Variants in PPP2R5D observed in about 807,000 individuals in gnomAD.
PPP2R5D encodes the protein serine/threonine-protein phosphatase 2A 56 kDa regulatory subunit delta isoform.
A neutral mutation model predicts 79.1 loss-of-function variants in PPP2R5D; 12 were observed. The observed-to-expected ratio is 0.15, with a 90% CI of 0.10 to 0.25. The LOEUF (loss-of-function observed/expected upper bound fraction) is 0.25. Ranked by LOEUF, PPP2R5D falls within the 10% of genes least tolerant of loss-of-function variation. The probability of loss-of-function intolerance (pLI) is 1.00; values close to 1 mark genes in which losing one functional copy is unlikely to be tolerated. For missense variants in PPP2R5D, 419 were observed against 760.2 expected (o/e 0.55, Z 5.28); for synonymous variants, 277 against 286.6 (o/e 0.97, Z 0.34).
In PPP2R5D at chr6:43,009,574, G is replaced by A; in HGVS notation, c.1379+125G>A. On this transcript the variant is annotated intron_variant, in intron 12 of 15. Transcript: ENST00000485511. The surrounding 1 kb of genome is among the most constrained non-coding windows in gnomAD (Gnocchi z 5.6). The stretch of plus-strand genomic sequence containing the variant: ...CAAGTGGGGCTGATGTCCCCTGCAT[G>A]TTGATAGGACCTTGAGGGGCTGACT... 1 of 1,354,234 alleles carries A rather than the reference G, an allele frequency of 7.4e-7. No homozygotes were observed. Among genetic ancestry groups the A allele is most frequent in the Non-Finnish European group, 1.0e-6 (1 of 978,052 alleles). 83.9% of individuals were successfully genotyped at this position (1,354,234 alleles called of 1,614,324 possible).
intron 1 of PPP2R5D, among the ~76,000 whole-genome samples, chr6:42,985,775 CTTTTTTT>C (rs945324833): frequency 4.2e-5 from 5 of 118,302 alleles, no homozygotes; most frequent in African/African-American, 1.3e-4. Flanking sequence ...CAGGCCATTT[CTTTTTTT>C]TTTTTTTTTT....
chr6:43,010,059 A>G lies in PPP2R5D; in HGVS notation c.1380-409A>G, dbSNP rs1379039029. Among the ~76,000 whole-genome samples the G allele has an allele frequency of 6.8e-6, 1 of 147,898 alleles. No individual in the cohort carries two copies. The highest frequency in any genetic ancestry group is 1.5e-5 in the Non-Finnish European group (1 of 67,792). ...ACTCCAGCCTGGGCAACAGAGTGAG[A>G]CTCCGTCTTAAAAAAAAAACTCAGG... is the stretch of plus-strand genomic sequence containing the variant. On this transcript the variant is annotated intron_variant, in intron 12 of 15. Coordinates refer to ENST00000485511, the MANE Select transcript of PPP2R5D (RefSeq NM_006245.4). This position sits in a 1 kb window ranked among gnomAD's most constrained non-coding sequence, Gnocchi z 4.7.
At position 43,012,338 on chromosome 6, in the gene PPP2R5D, G is replaced by C. The variant is rs777890655; in HGVS notation, c.*1052G>C. ...ACAGAACTGAATAAAGTGGGTCTCT[G>C]AGAAGTCTGATGTGCCTTGATGTGG... is the stretch of plus-strand genomic sequence containing the variant. On this transcript the variant is annotated 3_prime_UTR_variant, in exon 16 of 16. Transcript: ENST00000485511. 5.1e-5 allele frequency: 75 copies of C among 1,474,892 alleles called. No homozygotes were observed. Among genetic ancestry groups the C allele is most frequent in the Non-Finnish European group, 6.3e-5 (70 of 1,113,254 alleles). The allele number at this position is 1,474,892 out of a possible 1,614,324, so 91.4% of individuals were successfully genotyped here.
chr6:43,007,943 C>T lies in PPP2R5D; in HGVS notation c.735C>T (p.Asp245=). 1 of 1,614,206 alleles carries T rather than the reference C, an allele frequency of 6.2e-7. No individual in the cohort carries two copies. Among genetic ancestry groups the T allele is most frequent in the Non-Finnish European group, 8.5e-7 (1 of 1,180,034 alleles). ...CTCCCTTGTACCCCCAGCTCCTAGA[C>T]CTATTTGACAGTGAGGATCCTCGAG... ...IDQKFVLALL[D]LFDSEDPRER... is the part of the protein sequence containing the mutation. Residue 245 remains aspartate, a synonymous_variant, in exon 7 of 16, where the codon GAC becomes GAT. Coordinates refer to ENST00000485511, the MANE Select transcript of PPP2R5D (RefSeq NM_006245.4). This position sits in a 1 kb window ranked among gnomAD's most constrained non-coding sequence, Gnocchi z 4.5.
Position 43,010,816 on chromosome 6 carries a change from T to A in PPP2R5D, c.1555-65T>A, listed in dbSNP as rs1442831108. On this transcript the variant is annotated intron_variant, in intron 14 of 15. Transcript: ENST00000485511. This position sits in a 1 kb window ranked among gnomAD's most constrained non-coding sequence, Gnocchi z 4.7. Reference sequence around the variant, plus strand: ...GGGAGAGTTTGTTGGGGGAGGAATATGGGGCACACAGGCCCCCAAGCCTCT... The same window carrying A: ...GGGAGAGTTTGTTGGGGGAGGAATAAGGGGCACACAGGCCCCCAAGCCTCT... The A allele has an allele frequency of 3.8e-6, 6 of 1,597,252 alleles. No homozygotes were observed. Among genetic ancestry groups the A allele is most frequent in the Admixed American group, 1.7e-5 (1 of 59,660 alleles).
At chr6:43,003,246 A>G (rs1282814399) in intron 2 of PPP2R5D, among the ~76,000 whole-genome samples, 2 of 152,002 alleles carry the variant, frequency 1.3e-5, no homozygotes, top group African/African-American at 2.4e-5. Context: ...AACGTGGAGA[A>G]ACCCCATCTC....
In PPP2R5D at chr6:42,990,055, G is replaced by A. The variant is rs566497892; in HGVS notation, c.105+367G>A. On this transcript the variant is annotated intron_variant, in intron 2 of 15. Coordinates refer to ENST00000485511, the MANE Select transcript of PPP2R5D (RefSeq NM_006245.4). ...GTAACAAGTGACTTCAGCATGGCTCGGGTGGGGCAGGGGATTGGGAGGGGC... is the reference window on the plus strand; with the variant it reads ...GTAACAAGTGACTTCAGCATGGCTCAGGTGGGGCAGGGGATTGGGAGGGGC... Among the ~76,000 whole-genome samples the A allele has an allele frequency of 2.0e-4, 31 of 152,304 alleles. No homozygotes were observed. In the East Asian group the frequency reaches 5.4e-3, roughly 27 times the overall value.
rs1762187108 is a variant in PPP2R5D at position 43,008,146 on chromosome 6, C to T, written c.858-55C>T. 6 of 1,613,900 alleles carry T rather than the reference C, an allele frequency of 3.7e-6. No individual in the cohort carries two copies. The highest frequency in any genetic ancestry group is 3.3e-5 in the South Asian group (3 of 91,074). ...GGAGCAGGGAGGTGGGGGGACTGTA[C>T]AGAATGCTGGAGGGACATCAGGGGT... On this transcript the variant is annotated intron_variant, in intron 7 of 15. Coordinates refer to ENST00000485511, the MANE Select transcript of PPP2R5D (RefSeq NM_006245.4). This position sits in a 1 kb window ranked among gnomAD's most constrained non-coding sequence, Gnocchi z 4.2.
In PPP2R5D at chr6:43,008,549, G is replaced by A. The variant is rs1762204715; in HGVS notation, c.1026+74G>A. 6.7e-7 allele frequency: 1 copy of A among 1,502,372 alleles called. No individual in the cohort carries two copies. Among genetic ancestry groups the A allele is most frequent in the Admixed American group, 1.7e-5 (1 of 59,366 alleles). The allele number at this position is 1,502,372 out of a possible 1,614,324, so 93.1% of individuals were successfully genotyped here. The stretch of plus-strand genomic sequence containing the variant: ...GAGCCGGCAGGAAAGTGTTCCAGCT[G>A]GGATAGGGGAAGCATAGGGAGCAGG... On this transcript the variant is annotated intron_variant, in intron 9 of 15. Coordinates refer to ENST00000485511, the MANE Select transcript of PPP2R5D (RefSeq NM_006245.4). This position sits in a 1 kb window ranked among gnomAD's most constrained non-coding sequence, Gnocchi z 4.2.
intron 2 of PPP2R5D, among the ~76,000 whole-genome samples, chr6:43,002,715 CATT>C (rs1761818247): frequency 6.6e-6 from 1 of 152,172 alleles, no homozygotes; most frequent in Non-Finnish European, 1.5e-5. Context: ...AAGTCCACAT[CATT>C]GTTTTTATAA....
Position 43,009,516 on chromosome 6 carries a change from C to T in PPP2R5D, c.1379+67C>T, listed in dbSNP as rs1762248202. On this transcript the variant is annotated intron_variant, in intron 12 of 15. Coordinates refer to ENST00000485511, the MANE Select transcript of PPP2R5D (RefSeq NM_006245.4). This position sits in a 1 kb window ranked among gnomAD's most constrained non-coding sequence, Gnocchi z 5.6. ...GGGAAACTTTGAGGGTATGGAAGAA[C>T]TAAAGAGCCAGGGGTCTCACCTAGT... 7.5e-6 allele frequency: 12 copies of T among 1,602,446 alleles called. No homozygotes were observed. Among genetic ancestry groups the T allele is most frequent in the South Asian group, 5.5e-5 (5 of 90,648 alleles).
chr6:43,007,147 G>C lies in PPP2R5D; in HGVS notation c.522+37G>C, dbSNP rs776864617. 1.9e-6 allele frequency: 3 copies of C among 1,614,118 alleles called. No homozygotes were observed. On this transcript the variant is annotated intron_variant, in intron 4 of 15. Coordinates refer to ENST00000485511, the MANE Select transcript of PPP2R5D (RefSeq NM_006245.4). The surrounding 1 kb of genome is among the most constrained non-coding windows in gnomAD (Gnocchi z 4.5). ...GAAAGGACACAGGGGGGACTGGTGA[G>C]GGGCTCTGGAGAAGCCCAGGTGGAG... is the stretch of plus-strand genomic sequence containing the variant.
intron 2 of PPP2R5D, among the ~76,000 whole-genome samples, chr6:43,002,410 G>T (rs1469299796): frequency 6.6e-6 from 1 of 152,092 alleles, no homozygotes; most frequent in African/African-American, 2.4e-5. Context: ...TGATCCGCCC[G>T]CCTCTGCCTC....
chr6:42,996,489 AT>A (rs1771706743), intron 2 of PPP2R5D, among the ~76,000 whole-genome samples: 1 of 151,858 alleles, frequency 6.6e-6, no homozygotes, highest in African/African-American at 2.4e-5. Context: ...TAAAAAAAAA[AT>A]AAGGGCCAAA....
At chr6:43,001,042 GA>G (rs1244548302) in intron 2 of PPP2R5D, among the ~76,000 whole-genome samples, 1 of 152,234 alleles carries the variant, frequency 6.6e-6, no homozygotes, top group Non-Finnish European at 1.5e-5. Context: ...GTATCAAAAA[GA>G]GGGGGTGACA....
chr6:42,986,713 A>G (rs1290492625), intron 1 of PPP2R5D, among the ~76,000 whole-genome samples: 3 of 151,952 alleles, frequency 2.0e-5, no homozygotes, highest in Admixed American at 2.0e-4. Flanking sequence ...TGAGGTCCCC[A>G]CCCATTTGTA....
In PPP2R5D at chr6:43,010,814, T is replaced by C. The variant is rs1021960554; in HGVS notation, c.1555-67T>C. On this transcript the variant is annotated intron_variant, in intron 14 of 15. Coordinates refer to ENST00000485511, the MANE Select transcript of PPP2R5D (RefSeq NM_006245.4). This position sits in a 1 kb window ranked among gnomAD's most constrained non-coding sequence, Gnocchi z 4.7. ...GGGGGAGAGTTTGTTGGGGGAGGAA[T>C]ATGGGGCACACAGGCCCCCAAGCCT... 4 of 1,601,460 alleles carry C rather than the reference T, an allele frequency of 2.5e-6. No individual in the cohort carries two copies. The African/African-American group carries it at 5.4e-5, about 21-fold the overall frequency.
chr6:42,999,814 GC>G (rs1386404540), intron 2 of PPP2R5D, among the ~76,000 whole-genome samples: 1 of 151,752 alleles, frequency 6.6e-6, no homozygotes, highest in Non-Finnish European at 1.5e-5. Flanking sequence ...GCCCGCCTCG[GC>G]CTCCCAAAGA....
intron 2 of PPP2R5D, among the ~76,000 whole-genome samples, chr6:42,997,710 C>G (rs908823333): frequency 6.6e-6 from 1 of 151,092 alleles, no homozygotes; most frequent in Admixed American, 6.7e-5. Context: ...GTACTAAAAG[C>G]TAATTTTGTA....
Sources: allele counts gnomAD v4.1 joint callset (sites outside exome capture counted in the v4.1 genomes callset), GRCh38; gene constraint gnomAD v4.1.1; non-coding constraint Gnocchi (gnomAD v3.1); transcripts MANE v1.5; gene names NCBI Gene and HGNC (gene_info 2026-07-23, HGNC 2026-07-21).